The following FBXO40 variants were observed in gnomAD, a reference collection of about 807,000 sequenced individuals.
FBXO40 encodes F-box protein 40, also known as F-box only protein 40.
A neutral mutation model predicts 49.9 loss-of-function variants in FBXO40; 50 were observed. That is an observed-to-expected ratio of 1.00 (90% CI 0.80 to 1.27). The LOEUF is 1.27. Ranked by LOEUF, FBXO40 falls within the 50% of genes most tolerant of loss-of-function variation. FBXO40 has a pLI of 0.00. For missense variants in FBXO40, 895 were observed against 870.1 expected, an observed-to-expected ratio of 1.03 and a Z score of -0.36; for synonymous variants, 340 against 320.2, an observed-to-expected ratio of 1.06 and a Z score of -0.66.
At position 121,622,866 on chromosome 3, in the gene FBXO40, CA is replaced by C. The variant is rs1560132966; in HGVS notation, c.1439del (p.Asn480ThrfsTer55). On this transcript the variant is annotated frameshift_variant, in exon 3 of 4. Transcript: ENST00000338040. LOFTEE classifies it high-confidence loss of function. ...GCAGCTCTGCCTTCACTTTCACTTG[CA>C]ACAAATTCTTCAGGAGGGATGAGTT... is the stretch of plus-strand genomic sequence containing the variant. ...KSSSAFTFTC[N>X]KFFRRDEFPL... is the part of the protein sequence containing the mutation. 85 of 1,614,178 alleles carry C rather than the reference CA, an allele frequency of 5.3e-5. No homozygotes were observed. Among genetic ancestry groups the C allele is most frequent in the Non-Finnish European group, 6.8e-5 (80 of 1,180,026 alleles).
intron 1 of FBXO40, among the ~76,000 whole-genome samples, chr3:121,606,571 T>C (rs556719012): frequency 4.6e-5 from 7 of 152,344 alleles, no homozygotes; most frequent in Middle Eastern, 3.4e-3. Flanking sequence ...ATTCACACAA[T>C]GCATTTTGCA....
Position 121,622,933 on chromosome 3 carries a change from T to C in FBXO40, c.1504T>C (p.Cys502Arg), listed in dbSNP as rs757714918. The change falls in exon 3 of 4, where the codon TGT (cysteine) becomes CGT (arginine). Residue 502 changes from cysteine (C) to arginine (R), a missense_variant. Cys to Arg is a radical substitution (Grantham distance 180). Coordinates refer to ENST00000338040, the MANE Select transcript of FBXO40 (RefSeq NM_016298.4). Reference sequence around the variant, plus strand: ...GAATGTCCACACAGACATTCAGTCATGTCTCAATGGCTGGTTCCAGCATCG... The same window carrying C: ...GAATGTCCACACAGACATTCAGTCACGTCTCAATGGCTGGTTCCAGCATCG... ...FKNVHTDIQS[C>R]LNGWFQHRCP... 6.2e-6 allele frequency: 10 copies of C among 1,614,090 alleles called. No individual in the cohort carries two copies. Among genetic ancestry groups the C allele is most frequent in the Non-Finnish European group, 8.5e-6 (10 of 1,180,038 alleles).
At chr3:121,625,059 C>T (rs966090227) in intron 3 of FBXO40, among the ~76,000 whole-genome samples, 4 of 152,126 alleles carry the variant, frequency 2.6e-5, no homozygotes, top group Admixed American at 2.0e-4. Context: ...CTGATTTCCC[C>T]GGTTCAAGTG....
chr3:121,616,597 G>A (rs1453228971), intron 1 of FBXO40, among the ~76,000 whole-genome samples: 2 of 152,182 alleles, frequency 1.3e-5, no homozygotes, highest in Non-Finnish European at 2.9e-5. Flanking sequence ...GGTTTAGCAA[G>A]CATCACAGCT....
In FBXO40 at chr3:121,622,596, C is replaced by G; in HGVS notation, c.1167C>G (p.Asp389Glu). 2 of 1,614,186 alleles carry G rather than the reference C, an allele frequency of 1.2e-6. No homozygotes were observed. Among genetic ancestry groups the G allele is most frequent in the Non-Finnish European group, 8.5e-7 (1 of 1,180,028 alleles). The change falls in exon 3 of 4, where the codon GAC becomes GAG. Residue 389 changes from aspartate (D) to glutamate (E), a missense_variant. Coordinates refer to ENST00000338040, the MANE Select transcript of FBXO40 (RefSeq NM_016298.4). ...CAGATTTGGGGATCACTGTGGAGGA[C>G]CTGCCCAAATCAGATCTCATCAAGA... ...DTSDLGITVE[D>E]LPKSDLIKTT...
chr3:121,625,973 T>C (rs1049238927), intron 3 of FBXO40, among the ~76,000 whole-genome samples: 7 of 152,208 alleles, frequency 4.6e-5, no homozygotes, highest in Non-Finnish European at 4.4e-5. Context: ...CCAGAAGATA[T>C]TTCAGAACTC....
At chr3:121,619,754 T>G (rs905997958) in intron 1 of FBXO40, among the ~76,000 whole-genome samples, 1 of 152,124 alleles carries the variant, frequency 6.6e-6, no homozygotes, top group African/African-American at 2.4e-5. Context: ...TGAAGTAAAT[T>G]TCCCAAAGTC....
In FBXO40 at chr3:121,620,560, A is replaced by T; in HGVS notation, c.-16A>T. On this transcript the variant is annotated 5_prime_UTR_variant, in exon 2 of 4. Coordinates refer to ENST00000338040, the MANE Select transcript of FBXO40 (RefSeq NM_016298.4). ...TTTTCCCGTAGAGCTAAGAAGCAAG[A>T]AGAAATTGGGGCGCCATGGTAAGCA... The T allele has an allele frequency of 6.2e-7, 1 of 1,614,136 alleles. No individual in the cohort carries two copies. The highest frequency in any genetic ancestry group is 8.5e-7 in the Non-Finnish European group (1 of 1,180,012).
At chr3:121,609,419 C>T (rs1046165661) in intron 1 of FBXO40, among the ~76,000 whole-genome samples, 3 of 150,380 alleles carry the variant, frequency 2.0e-5, no homozygotes, top group South Asian at 2.1e-4. Flanking sequence ...TAATTGTGCC[C>T]TTTTGCAGTT....
In FBXO40 at chr3:121,627,500, TG is replaced by T. The variant is rs1235750742; in HGVS notation, c.*592del. Reference sequence around the variant, plus strand: ...ACATAGGAGAGCCCCTGGCTGAGCATGGCAGCCTTGAAGACACCACAGGCCA... The same window carrying T: ...ACATAGGAGAGCCCCTGGCTGAGCATGCAGCCTTGAAGACACCACAGGCCA... On this transcript the variant is annotated 3_prime_UTR_variant, in exon 4 of 4. Transcript: ENST00000338040. The T allele has an allele frequency of 5.1e-6, 1 of 194,290 alleles. No homozygotes were observed. The highest frequency in any genetic ancestry group is 1.2e-4 in the East Asian group (1 of 8,224). 12.0% of individuals were successfully genotyped at this position (194,290 alleles called of 1,614,324 possible).
intron 1 of FBXO40, among the ~76,000 whole-genome samples, chr3:121,601,514 A>G (rs1430904785): frequency 6.6e-6 from 1 of 152,220 alleles, no homozygotes; most frequent in Non-Finnish European, 1.5e-5. Context: ...AGCTTCAATA[A>G]TACTGTTCCC....
At chr3:121,594,005 A>G (rs896245782) in intron 1 of FBXO40, among the ~76,000 whole-genome samples, 2 of 152,036 alleles carry the variant, frequency 1.3e-5, no homozygotes, top group Non-Finnish European at 2.9e-5. Flanking sequence ...AGCTGAGACT[A>G]CAGGCACATG....
chr3:121,597,574 T>C (rs1217599215), intron 1 of FBXO40, among the ~76,000 whole-genome samples: 2 of 151,642 alleles, frequency 1.3e-5, no homozygotes, highest in Non-Finnish European at 2.9e-5. Context: ...AGAATGACCT[T>C]CCTCATAGAG....
At chr3:121,596,299 C>T (rs992189477) in intron 1 of FBXO40, among the ~76,000 whole-genome samples, 1 of 152,124 alleles carries the variant, frequency 6.6e-6, no homozygotes, top group Non-Finnish European at 1.5e-5. Context: ...AATAAAACAT[C>T]AAAGCACAAT....
rs967931981 is a variant in FBXO40, at chr3:121,612,759, G to C, written c.-30-7787G>C. Among the ~76,000 whole-genome samples, 9 of 152,070 alleles carry C rather than the reference G, an allele frequency of 5.9e-5. No individual in the cohort carries two copies. In the South Asian group the frequency reaches 1.2e-3, roughly 21 times the overall value. On this transcript the variant is annotated intron_variant, in intron 1 of 3. Coordinates refer to ENST00000338040, the MANE Select transcript of FBXO40 (RefSeq NM_016298.4). ...TCTGGTCCTCTCAAAGGATATTGGGGCCAGTGTTATATTAAAAAAAAATTT... is the reference window on the plus strand; with the variant it reads ...TCTGGTCCTCTCAAAGGATATTGGGCCCAGTGTTATATTAAAAAAAAATTT...
In FBXO40 at chr3:121,622,881, G is replaced by A. The variant is rs1300695924; in HGVS notation, c.1452G>A (p.Arg484=). 5 of 1,614,048 alleles carry A rather than the reference G, an allele frequency of 3.1e-6. No homozygotes were observed. The highest frequency in any genetic ancestry group is 2.7e-5 in the African/African-American group (2 of 74,940). Residue 484 remains arginine (R), a synonymous_variant, in exon 3 of 4, where the codon AGG becomes AGA. Transcript: ENST00000338040. ...AFTFTCNKFF[R]RDEFPLHFKN... ...CTTTCACTTGCAACAAATTCTTCAG[G>A]AGGGATGAGTTCCCCCTGCACTTCA...
chr3:121,598,853 A>G (rs1410733204), intron 1 of FBXO40, among the ~76,000 whole-genome samples: 2 of 152,174 alleles, frequency 1.3e-5, no homozygotes, highest in Non-Finnish European at 2.9e-5. Context: ...ACAGCACCAC[A>G]ATCTGCATCA....
rs755059760 is a variant in FBXO40, at chr3:121,622,485, TC to T, written c.1058del (p.Pro353LeufsTer2). 21 of 1,614,086 alleles carry T rather than the reference TC, an allele frequency of 1.3e-5. No homozygotes were observed. The highest frequency in any genetic ancestry group is 1.7e-5 in the Admixed American group (1 of 60,002). ...TTAAGACTGTTTACACCTTCAAAGT[TC>T]CTGTGAGCTACTGTGGAAAGCGAGC... ...EVKTVYTFKV[P>X]VSYCGKRARL... On this transcript the variant is annotated frameshift_variant, in exon 3 of 4. Coordinates refer to ENST00000338040, the MANE Select transcript of FBXO40 (RefSeq NM_016298.4). LOFTEE classifies it high-confidence loss of function.
intron 1 of FBXO40, among the ~76,000 whole-genome samples, chr3:121,619,575 T>C (rs1188577741): frequency 6.6e-6 from 1 of 152,246 alleles, no homozygotes; most frequent in African/African-American, 2.4e-5. Flanking sequence ...TGATGAAATA[T>C]AAAATACTAC....
Sources: allele counts gnomAD v4.1 joint callset (sites outside exome capture counted in the v4.1 genomes callset), GRCh38; gene constraint gnomAD v4.1.1; transcripts MANE v1.5; gene names NCBI Gene and HGNC (gene_info 2026-07-23, HGNC 2026-07-21).